ERP44: variants seen among roughly 807,000 people sequenced by gnomAD.
ERP44 encodes endoplasmic reticulum protein 44, also known as endoplasmic reticulum resident protein 44.
ERP44 carries 25 observed loss-of-function variants against 53.4 expected under a neutral mutation model. The ratio of observed to expected loss-of-function variants is 0.47; its 90% CI spans 0.34 to 0.65. The LOEUF (loss-of-function observed/expected upper bound fraction) is 0.65, where lower values mean the gene tolerates loss of function less well. ERP44 is among the 30% of genes least tolerant of loss of function. The pLI is 0.01. For synonymous variants in ERP44, 145 were observed against 161.2 expected, an observed-to-expected ratio of 0.90 and a Z score of 0.76; for missense variants, 338 against 493.2, an observed-to-expected ratio of 0.69 and a Z score of 2.98.
Position 100,098,810 on chromosome 9 carries a change from C to A in ERP44, c.31G>T (p.Asp11Tyr). 1.2e-6 allele frequency: 2 copies of A among 1,613,812 alleles called. No individual in the cohort carries two copies. The highest frequency in any genetic ancestry group is 1.7e-6 in the Non-Finnish European group (2 of 1,179,850). ...AGGAGCAGAAGGGAGCATCTGAGGT[C>A]GGGTAAGGATAGGAAGACGGCAGGA... MHPAVFLSLP[D>Y]LRCSLLLLVT... is the part of the protein sequence containing the mutation. Residue 11 changes from aspartate to tyrosine, a missense_variant, in exon 1 of 12, where the codon GAC becomes TAC. This residue lies in a region of ERP44 where 224 missense variants were observed against 301.4 expected (regional missense o/e 0.74). Coordinates refer to ENST00000262455, the MANE Select transcript of ERP44 (RefSeq NM_015051.3).
chr9:100,065,980 G>C lies in ERP44; in HGVS notation c.58-5808C>G, dbSNP rs141251227. Among the ~76,000 whole-genome samples the C allele has an allele frequency of 8.5e-5, 13 of 152,286 alleles. No homozygotes were observed. The East Asian group carries it at 2.5e-3, about 29-fold the overall frequency. On this transcript the variant is annotated intron_variant, in intron 1 of 11. Transcript: ENST00000262455. ...ATCTTAAAACCTTGATATTTAAAGTGTGGTCTCTGAAACTGCCACGCTGGT... is the reference window on the plus strand; with the variant it reads ...ATCTTAAAACCTTGATATTTAAAGTCTGGTCTCTGAAACTGCCACGCTGGT...
chr9:100,023,785 A>T (rs1351874902), intron 4 of ERP44, among the ~76,000 whole-genome samples: 2 of 152,158 alleles, frequency 1.3e-5, no homozygotes, highest in East Asian at 1.9e-4. Flanking sequence ...AAAAAGTTTT[A>T]AAAAATTAGA....
In ERP44 at chr9:100,037,750, G is replaced by C. The variant is rs370089617; in HGVS notation, c.286+14667C>G. Among the ~76,000 whole-genome samples the C allele has an allele frequency of 3.9e-5, 6 of 152,076 alleles. No homozygotes were observed. In the East Asian group the frequency reaches 9.6e-4, roughly 24 times the overall value. On this transcript the variant is annotated intron_variant, in intron 4 of 11. Coordinates refer to ENST00000262455, the MANE Select transcript of ERP44 (RefSeq NM_015051.3). ...TCTAGATACATCCTGGGCTGGAAGG[G>C]AACCTGCTGCTTTGAAAAGAAGGAC... is the stretch of plus-strand genomic sequence containing the variant.
intron 10 of ERP44, chr9:99,998,825 C>T (rs1469193713): frequency 6.9e-5 from 81 of 1,168,118 alleles, no homozygotes; most frequent in Non-Finnish European, 7.1e-5. Flanking sequence ...TTCTAATTTT[C>T]TATTTTTAAT....
In ERP44 at chr9:100,015,311, C is replaced by A. The variant is rs184224609; in HGVS notation, c.762+1011G>T. ...AAGTTTTTAAAAACTGTACCTAATACAAAGTTTTTAAAAACTTGCATTCTT... is the reference window on the plus strand; with the variant it reads ...AAGTTTTTAAAAACTGTACCTAATAAAAAGTTTTTAAAAACTTGCATTCTT... On this transcript the variant is annotated intron_variant, in intron 8 of 11. Coordinates refer to ENST00000262455, the MANE Select transcript of ERP44 (RefSeq NM_015051.3). Among the ~76,000 whole-genome samples the A allele has an allele frequency of 3.9e-5, 6 of 152,200 alleles. No homozygotes were observed. The East Asian group carries it at 1.2e-3, about 29-fold the overall frequency.
intron 10 of ERP44, chr9:99,999,048 G>A: frequency 1.3e-6 from 1 of 791,484 alleles, no homozygotes; most frequent in Non-Finnish European, 2.2e-6. Flanking sequence ...TGAGGCCCGG[G>A]GCAGGAGGCG....
At chr9:100,059,416 T>C (rs1826117998) in intron 2 of ERP44, among the ~76,000 whole-genome samples, 1 of 152,194 alleles carries the variant, frequency 6.6e-6, no homozygotes, top group Non-Finnish European at 1.5e-5. Context: ...CCAAGTGTGG[T>C]GGTTCATGCC....
intron 1 of ERP44, among the ~76,000 whole-genome samples, chr9:100,061,247 C>T (rs1309334407): frequency 6.6e-6 from 1 of 151,922 alleles, no homozygotes; most frequent in Non-Finnish European, 1.5e-5. Context: ...AGATCGAGAC[C>T]ATCCTGGCCA....
In ERP44 at chr9:99,980,424, T is replaced by A; in HGVS notation, c.*2188A>T. On this transcript the variant is annotated 3_prime_UTR_variant, in exon 12 of 12. Transcript: ENST00000262455. Reference sequence around the variant, plus strand: ...TAGACAGTGCCAGCATTTCAAATAATATCTAAAGACTGTCCCAGTCCCAAG... The same window carrying A: ...TAGACAGTGCCAGCATTTCAAATAAAATCTAAAGACTGTCCCAGTCCCAAG... 5.4e-6 allele frequency: 1 copy of A among 183,746 alleles called. No homozygotes were observed. The highest frequency in any genetic ancestry group is 1.1e-5 in the Non-Finnish European group (1 of 89,454). 11.4% of individuals were successfully genotyped at this position (183,746 alleles called of 1,614,324 possible). A position where few individuals can be genotyped will look rare whatever the true frequency, so the allele number is the denominator to read the frequency against.
chr9:100,010,315 T>C (rs1417132052), intron 8 of ERP44, among the ~76,000 whole-genome samples: 1 of 152,236 alleles, frequency 6.6e-6, no homozygotes, highest in Non-Finnish European at 1.5e-5. Context: ...CATGATTTAA[T>C]GGTTGGTTAA....
chr9:100,033,365 T>C (rs139984350), intron 4 of ERP44, among the ~76,000 whole-genome samples: 1 of 152,150 alleles, frequency 6.6e-6, no homozygotes, highest in Non-Finnish European at 1.5e-5. Flanking sequence ...AAGTAAAGAA[T>C]GTCACTTTCT....
chr9:100,068,441 A>G (rs1377148432), intron 1 of ERP44, among the ~76,000 whole-genome samples: 199 of 85,804 alleles, frequency 2.3e-3, no homozygotes, highest in Middle Eastern at 0.012. Context: ...GGGAGGTGAG[A>G]GGTGCCTCTG....
chr9:99,993,461 A>G (rs896733030), intron 10 of ERP44, among the ~76,000 whole-genome samples: 2 of 152,304 alleles, frequency 1.3e-5, no homozygotes, highest in East Asian at 1.9e-4. Flanking sequence ...CTAGCCATAT[A>G]TAGAAAGCTG....
chr9:100,089,313 C>CCTGT (rs1470211641), intron 1 of ERP44, among the ~76,000 whole-genome samples: 1 of 152,154 alleles, frequency 6.6e-6, no homozygotes, highest in Non-Finnish European at 1.5e-5. Context: ...GGCGTGGTGG[C>CCTGT]TCATGCCTGT....
chr9:100,084,113 A>T (rs1307403070), intron 1 of ERP44, among the ~76,000 whole-genome samples: 1 of 152,192 alleles, frequency 6.6e-6, no homozygotes, highest in Non-Finnish European at 1.5e-5. Context: ...CAGAAGACTT[A>T]CCAAAGGATA....
intron 1 of ERP44, among the ~76,000 whole-genome samples, chr9:100,069,738 A>G (rs1364562887): frequency 6.6e-6 from 1 of 152,260 alleles, no homozygotes; most frequent in Non-Finnish European, 1.5e-5. Context: ...AAGTTCAAAT[A>G]TAGATAATAC....
chr9:99,989,008 T>C (rs1161304980), intron 10 of ERP44, among the ~76,000 whole-genome samples: 1 of 152,184 alleles, frequency 6.6e-6, no homozygotes, highest in Non-Finnish European at 1.5e-5. Context: ...TGCTGAGGCT[T>C]GACTAGGTAA....
At position 100,016,390 on chromosome 9, in the gene ERP44, C is replaced by T; in HGVS notation, c.694G>A (p.Val232Met). ...VYLGAMTNFD[V>M]TYNWIQDKCV... ...TTATCTTGAATCCAATTGTAAGTCA[C>T]ATCAAAATTTGTCATAGCTCCCAAG... Residue 232 changes from valine to methionine, a missense_variant, in exon 8 of 12, where the codon GTG becomes ATG. Physicochemically the swap from Val to Met is conservative, Grantham distance 21. This residue lies in a region of ERP44 where 224 missense variants were observed against 301.4 expected (regional missense o/e 0.74). Coordinates refer to ENST00000262455, the MANE Select transcript of ERP44 (RefSeq NM_015051.3). 3 of 1,612,244 alleles carry T rather than the reference C, an allele frequency of 1.9e-6. No individual in the cohort carries two copies. Among genetic ancestry groups the T allele is most frequent in the Non-Finnish European group, 2.5e-6 (3 of 1,179,416 alleles).
chr9:99,999,117 GCA>G, intron 10 of ERP44: 1 of 623,528 alleles, frequency 1.6e-6, no homozygotes, highest in Non-Finnish European at 2.9e-6. Context: ...TGGACACGGC[GCA>G]CCTGAGGCAC....
Sources: gnomAD v4.1 joint callset for allele counts (sites outside exome capture counted in the v4.1 genomes callset) on GRCh38, gnomAD v4.1.1 for gene constraint, gnomAD v4.1.1 regional missense constraint, MANE v1.5 for transcripts, NCBI Gene and HGNC (gene_info 2026-07-23, HGNC 2026-07-21) for gene names.